Variants in DYNC2H1 observed in about 807,000 individuals in gnomAD.
The protein encoded by DYNC2H1 is dynein cytoplasmic 2 heavy chain 1, also known as cytoplasmic dynein 2 heavy chain 1.
In DYNC2H1, 410 loss-of-function variants were observed where a neutral mutation model predicts 570.0. That is an observed-to-expected ratio of 0.72 (90% confidence interval 0.66 to 0.78). DYNC2H1 has a LOEUF of 0.78. Ranked by LOEUF, DYNC2H1 falls within the 30% of genes least tolerant of loss-of-function variation. The pLI is 0.00. For missense variants in DYNC2H1, 4,865 were observed against 5,046.4 expected (o/e 0.96, Z 1.09); for synonymous variants, 1,688 against 1,677.6 (o/e 1.01, Z -0.15).
At chr11:103,370,067 TG>T (rs1172975609) in intron 83 of DYNC2H1, among the ~76,000 whole-genome samples, 3 of 152,192 alleles carry the variant, frequency 2.0e-5, no homozygotes, top group Non-Finnish European at 4.4e-5. Flanking sequence ...GGACCTGCCC[TG>T]GGCCAGAGGT....
intron 82 of DYNC2H1, among the ~76,000 whole-genome samples, chr11:103,357,022 A>G (rs1940378635): frequency 6.6e-6 from 1 of 152,096 alleles, no homozygotes; most frequent in Admixed American, 6.6e-5. Flanking sequence ...TATTTTGTTT[A>G]TTTTAGACAA....
Position 103,170,659 on chromosome 11 carries a change from T to G in DYNC2H1, c.5152-227T>G, listed in dbSNP as rs1329248498. ...AAGAGTAACTAACACAAATCTTGTA[T>G]TTTTTCTGCAAGCTTTTTAGAACAC... is the stretch of plus-strand genomic sequence containing the variant. On this transcript the variant is annotated intron_variant, in intron 33 of 88. Transcript: ENST00000375735. This position sits in a 1 kb window ranked among gnomAD's most constrained non-coding sequence, Gnocchi z 4.8. Among the ~76,000 whole-genome samples the G allele has an allele frequency of 3.3e-5, 5 of 151,118 alleles. No homozygotes were observed. Among genetic ancestry groups the G allele is most frequent in the African/African-American group, 4.9e-5 (2 of 40,428 alleles).
chr11:103,207,733 T>C (rs1862996770), intron 52 of DYNC2H1, among the ~76,000 whole-genome samples: 1 of 152,028 alleles, frequency 6.6e-6, no homozygotes, highest in African/African-American at 2.4e-5. Flanking sequence ...CCAAACAACA[T>C]AGTTGTGTGT....
chr11:103,199,237 C>A lies in DYNC2H1; in HGVS notation c.7849C>A (p.His2617Asn). The A allele has an allele frequency of 1.3e-6, 2 of 1,566,100 alleles. No individual in the cohort carries two copies. Among genetic ancestry groups the A allele is most frequent in the Non-Finnish European group, 1.7e-6 (2 of 1,151,696 alleles). ...CTGATTTTTTTAAAAGGGTCTTATT[C>A]ATTATGGACGAGATAACCAGAATTT... ...LKDVIKKGLI[H>N]YGRDNQNLDI... Residue 2617 changes from histidine (H) to asparagine (N), a missense_variant, in exon 49 of 89, where the codon CAT becomes AAT. By Grantham distance (68) the His-to-Asn change is moderately conservative. Around this residue, in one of 5 missense-constraint regions of DYNC2H1, gnomAD observed 2,401 missense variants for 2,454.6 expected, o/e 0.98. Coordinates refer to ENST00000375735, the MANE Select transcript of DYNC2H1 (RefSeq NM_001377.3). The surrounding 1 kb of genome is among the most constrained non-coding windows in gnomAD (Gnocchi z 4.6).
intron 53 of DYNC2H1, among the ~76,000 whole-genome samples, chr11:103,210,243 T>G (rs1006730041): frequency 4.6e-5 from 7 of 152,006 alleles, no homozygotes; most frequent in Non-Finnish European, 1.0e-4. Flanking sequence ...CTACTTAAAT[T>G]GTTTAGAGTC....
At position 103,186,840 on chromosome 11, in the gene DYNC2H1, C is replaced by A. The variant is rs906051985; in HGVS notation, c.6893+339C>A. On this transcript the variant is annotated intron_variant, in intron 42 of 88. Coordinates refer to ENST00000375735, the MANE Select transcript of DYNC2H1 (RefSeq NM_001377.3). The surrounding 1 kb of genome is among the most constrained non-coding windows in gnomAD (Gnocchi z 4.5). ...TAAAATTTAAAATTTGAAGTTAGAT[C>A]TCTATTTAAAAGTAGCTTTTAATTC... Among the ~76,000 whole-genome samples, 2 of 151,032 alleles carry A rather than the reference C, an allele frequency of 1.3e-5. No homozygotes were observed. Among genetic ancestry groups the A allele is most frequent in the Admixed American group, 1.3e-4 (2 of 15,134 alleles).
Position 103,223,030 on chromosome 11 carries a change from T to C in DYNC2H1, c.9297T>C (p.Tyr3099=), listed in dbSNP as rs180787556. The C allele has an allele frequency of 3.5e-4, 566 of 1,613,444 alleles. 1 individual carries two copies. The African/African-American group carries it at 6.7e-3, about 19-fold the overall frequency. The change falls in exon 59 of 89, where the codon TAT becomes TAC. Residue 3099 remains tyrosine, a synonymous_variant. Transcript: ENST00000375735. ...CCTGGGTGAAAGCCAATATTCAGTA[T>C]TCCCATGTCTTGGAACGAATTCATC... ...LAAWVKANIQ[Y]SHVLERIHPL...
At position 103,268,566 on chromosome 11, in the gene DYNC2H1, A is replaced by G. The variant is rs565760655; in HGVS notation, c.10695+8589A>G. ...TATATTAAGCCTACGAAGTTTCGTT[A>G]TTGGTCAGTCTTGTAATAATGTGTT... On this transcript the variant is annotated intron_variant, in intron 70 of 88. Transcript: ENST00000375735. The surrounding 1 kb of genome is among the most constrained non-coding windows in gnomAD (Gnocchi z 4.6). 3.1e-3 allele frequency among the ~76,000 whole-genome samples: 472 copies of G among 151,936 alleles called. No individual in the cohort carries two copies. Among genetic ancestry groups the G allele is most frequent in the African/African-American group, 0.011 (455 of 41,512 alleles).
At position 103,158,631 on chromosome 11, in the gene DYNC2H1, C is replaced by A. The variant is rs747961767; in HGVS notation, c.4128-46C>A. 2.9e-5 allele frequency: 43 copies of A among 1,465,194 alleles called. No individual in the cohort carries two copies. The South Asian group carries it at 5.0e-4, about 17-fold the overall frequency. 90.8% of individuals were successfully genotyped at this position (1,465,194 alleles called of 1,614,324 possible). A position where few individuals can be genotyped will look rare whatever the true frequency, so the allele number is the denominator to read the frequency against. On this transcript the variant is annotated intron_variant, in intron 26 of 88. Transcript: ENST00000375735. The stretch of plus-strand genomic sequence containing the variant: ...GTCTTAATCTGTTTTTCTTACCCCC[C>A]CAAATTGTTAAAGTAGATGTGAAGA...
At position 103,121,056 on chromosome 11, in the gene DYNC2H1, T is replaced by C. The variant is rs1221053286; in HGVS notation, c.1360+20T>C. 2 of 1,427,936 alleles carry C rather than the reference T, an allele frequency of 1.4e-6. No homozygotes were observed. Among genetic ancestry groups the C allele is most frequent in the South Asian group, 1.5e-5 (1 of 67,660 alleles). The allele number at this position is 1,427,936 out of a possible 1,614,324, so 88.5% of individuals were successfully genotyped here. On this transcript the variant is annotated intron_variant, in intron 9 of 88. Coordinates refer to ENST00000375735, the MANE Select transcript of DYNC2H1 (RefSeq NM_001377.3). ...TTAAAGGTAAAAGTTTATGAGATTATAGTGTTTGCTTGAGAGAATATTTTT... is the reference window on the plus strand; with the variant it reads ...TTAAAGGTAAAAGTTTATGAGATTACAGTGTTTGCTTGAGAGAATATTTTT...
At chr11:103,463,299 T>C (rs1321183574) in intron 87 of DYNC2H1, among the ~76,000 whole-genome samples, 1 of 152,224 alleles carries the variant, frequency 6.6e-6, no homozygotes, top group Non-Finnish European at 1.5e-5. Flanking sequence ...TAGATTGAGC[T>C]ATAAGTCCAG....
intron 75 of DYNC2H1, 66 bp downstream of exon 75, chr11:103,287,671 A>C (rs192265673): frequency 7.7e-7 from 1 of 1,303,260 alleles, no homozygotes; most frequent in Non-Finnish European, 1.1e-6. Flanking sequence ...TTTACCTTTC[A>C]TTTTATGTTA....
chr11:103,227,609 C>T (rs1020805276), intron 59 of DYNC2H1, among the ~76,000 whole-genome samples: 6 of 152,060 alleles, frequency 3.9e-5, no homozygotes, highest in African/African-American at 1.4e-4. Context: ...GTCATATGGT[C>T]TATTTTGGAG....
intron 83 of DYNC2H1, among the ~76,000 whole-genome samples, chr11:103,374,235 A>T (rs932800657): frequency 6.6e-5 from 10 of 152,118 alleles, no homozygotes; most frequent in African/African-American, 2.4e-4. Context: ...GTGAGAGGTG[A>T]TTGAATCATG....
At chr11:103,247,849 T>C (rs984390225) in intron 65 of DYNC2H1, among the ~76,000 whole-genome samples, 5 of 152,028 alleles carry the variant, frequency 3.3e-5, no homozygotes, top group Admixed American at 1.3e-4. Context: ...TAGCATTGCA[T>C]TGGATTTGCT....
chr11:103,371,250 T>C (rs1941133827), intron 83 of DYNC2H1, among the ~76,000 whole-genome samples: 1 of 151,956 alleles, frequency 6.6e-6, no homozygotes, highest in Non-Finnish European at 1.5e-5. Context: ...TTTGAAAATA[T>C]AGTCAGAGAA....
At chr11:103,436,761 T>A (rs1376544312) in intron 85 of DYNC2H1, among the ~76,000 whole-genome samples, 2 of 152,128 alleles carry the variant, frequency 1.3e-5, no homozygotes, top group Admixed American at 1.3e-4. Context: ...CAGCCACATT[T>A]CATTCTCAAT....
At chr11:103,424,440 G>T (rs911403132) in intron 84 of DYNC2H1, among the ~76,000 whole-genome samples, 1 of 151,866 alleles carries the variant, frequency 6.6e-6, no homozygotes, top group African/African-American at 2.4e-5. Flanking sequence ...TAACATATTT[G>T]CCCACTATAT....
chr11:103,248,799 A>G (rs934817324), intron 65 of DYNC2H1, among the ~76,000 whole-genome samples: 7 of 152,080 alleles, frequency 4.6e-5, no homozygotes, highest in African/African-American at 1.4e-4. Context: ...TACAGAAGTA[A>G]CCAAAGATAT....
Sources: allele counts gnomAD v4.1 joint callset (sites outside exome capture counted in the v4.1 genomes callset), GRCh38; gene constraint gnomAD v4.1.1; regional missense constraint gnomAD v4.1.1; non-coding constraint Gnocchi (gnomAD v3.1); transcripts MANE v1.5; gene names NCBI Gene and HGNC (gene_info 2026-07-23, HGNC 2026-07-21).